The following GABRG3 variants were observed in gnomAD, a reference collection of about 807,000 sequenced individuals.
GABRG3 encodes gamma-aminobutyric acid receptor subunit gamma-3.
Under a neutral mutation model 48.8 loss-of-function variants are expected in GABRG3, and 25 were observed. The ratio of observed to expected loss-of-function variants is 0.51; its 90% confidence interval spans 0.37 to 0.72. The LOEUF is 0.72. Among genes scored for constraint, GABRG3 ranks in the 30% least tolerant of loss-of-function variants. The pLI, the probability that GABRG3 is intolerant of heterozygous loss-of-function variation, is 0.00. For missense variants in GABRG3, 394 were observed against 577.9 expected, an observed-to-expected ratio of 0.68 and a Z score of 3.26; for synonymous variants, 227 against 217.6, an observed-to-expected ratio of 1.04 and a Z score of -0.38.
At chr15:27,257,923 T>TGG (rs1890669979) in intron 3 of GABRG3, among the ~76,000 whole-genome samples, 1 of 151,382 alleles carries the variant, frequency 6.6e-6, no homozygotes, top group Non-Finnish European at 1.5e-5. Context: ...CTCAAAGTGT[T>TGG]ATAGACGTGA....
intron 2 of GABRG3, among the ~76,000 whole-genome samples, chr15:26,986,614 T>TA (rs1277430616): frequency 6.6e-6 from 1 of 152,176 alleles, no homozygotes; most frequent in Non-Finnish European, 1.5e-5. Context: ...CACAGTTCAT[T>TA]AAAAATATGT....
chr15:27,528,139 A>G, intron 9 of GABRG3, 147 bp downstream of exon 9: 1 of 665,072 alleles, frequency 1.5e-6, no homozygotes, highest in Non-Finnish European at 2.6e-6. Flanking sequence ...GTTTAGTATT[A>G]GGTTAAAAAT....
chr15:26,989,168 G>A (rs916977231), intron 2 of GABRG3, among the ~76,000 whole-genome samples: 8 of 152,114 alleles, frequency 5.3e-5, no homozygotes, highest in Non-Finnish European at 1.5e-5. Context: ...AAATGGAACC[G>A]TTAGAATAGG....
intron 2 of GABRG3, among the ~76,000 whole-genome samples, chr15:27,014,235 T>C (rs1234162094): frequency 6.6e-6 from 1 of 152,024 alleles, no homozygotes; most frequent in Non-Finnish European, 1.5e-5. Flanking sequence ...TCATTGATCT[T>C]TTCGAAGAAT....
chr15:27,352,353 G>A lies in GABRG3; in HGVS notation c.574+23465G>A, dbSNP rs888318367. On this transcript the variant is annotated intron_variant, in intron 5 of 9. Coordinates refer to ENST00000615808, the MANE Select transcript of GABRG3 (RefSeq NM_033223.5). This position sits in a 1 kb window ranked among gnomAD's most constrained non-coding sequence, Gnocchi z 4.0. ...TTATCCCCCGCACACTTCAAGGGGT[G>A]ATGGGGTGGGATCTCTGCCAATTTC... Among the ~76,000 whole-genome samples the A allele has an allele frequency of 1.3e-5, 2 of 152,048 alleles. No individual in the cohort carries two copies. The highest frequency in any genetic ancestry group is 1.5e-5 in the Non-Finnish European group (1 of 68,012).
At chr15:27,420,101 G>A (rs1181300174) in intron 5 of GABRG3, among the ~76,000 whole-genome samples, 2 of 152,144 alleles carry the variant, frequency 1.3e-5, no homozygotes, top group Non-Finnish European at 2.9e-5. Flanking sequence ...CTACTTCAAT[G>A]CAGCATTTCT....
chr15:27,099,745 C>T (rs1265442371), intron 3 of GABRG3, among the ~76,000 whole-genome samples: 1 of 151,296 alleles, frequency 6.6e-6, no homozygotes, highest in African/African-American at 2.4e-5. Context: ...TTCAAGAATC[C>T]CTGGAAAGAT....
At chr15:27,512,030 C>A (rs983739575) in intron 6 of GABRG3, among the ~76,000 whole-genome samples, 3 of 151,940 alleles carry the variant, frequency 2.0e-5, no homozygotes, top group East Asian at 1.9e-4. Flanking sequence ...GGGAGGGAGC[C>A]CAAACCATGA....
intron 5 of GABRG3, among the ~76,000 whole-genome samples, chr15:27,422,014 A>G (rs1446695159): frequency 1.4e-3 from 148 of 108,186 alleles, no homozygotes; most frequent in Middle Eastern, 0.014. Context: ...ATCCATGGGA[A>G]TGGGCTGAGT....
chr15:27,028,499 T>C (rs1373475431), intron 3 of GABRG3, among the ~76,000 whole-genome samples: 1 of 152,116 alleles, frequency 6.6e-6, no homozygotes, highest in Non-Finnish European at 1.5e-5. Context: ...GAGCAGGTCA[T>C]ATTTCATGAG....
chr15:27,287,095 A>G (rs1160913867), intron 3 of GABRG3, among the ~76,000 whole-genome samples: 2 of 152,138 alleles, frequency 1.3e-5, no homozygotes, highest in African/African-American at 4.8e-5. Flanking sequence ...TAGTAGTTCT[A>G]TCCTTTTCGA....
chr15:27,150,727 C>T (rs182999347), intron 3 of GABRG3, among the ~76,000 whole-genome samples: 239 of 152,326 alleles, frequency 1.6e-3, no homozygotes, highest in African/African-American at 5.4e-3. Flanking sequence ...TCACACAACT[C>T]GTTACTGGCA....
intron 3 of GABRG3, among the ~76,000 whole-genome samples, chr15:27,163,173 A>G (rs1268085998): frequency 1.3e-5 from 2 of 151,906 alleles, no homozygotes; most frequent in African/African-American, 4.8e-5. Flanking sequence ...TCTCATCTCT[A>G]CTCAGTATCC....
intron 3 of GABRG3, among the ~76,000 whole-genome samples, chr15:27,078,646 G>T (rs1188759912): frequency 6.6e-6 from 1 of 152,154 alleles, no homozygotes; most frequent in Non-Finnish European, 1.5e-5. Flanking sequence ...CCGCCCAGGG[G>T]CTCCTCGTCT....
rs143489744 is a variant in GABRG3 at position 27,284,264 on chromosome 15, C to T, written c.271-42545C>T. Among the ~76,000 whole-genome samples, 1,007 of 152,178 alleles carry T rather than the reference C, an allele frequency of 6.6e-3. 20 individuals are homozygous for T. Among genetic ancestry groups the T allele is most frequent in the African/African-American group, 0.023 (953 of 41,502 alleles). ...AGGTAAGTTACTTTATTTGATGTTA[C>T]GAATCACAGAAAAAATATTTAGAAG... On this transcript the variant is annotated intron_variant, in intron 3 of 9. Coordinates refer to ENST00000615808, the MANE Select transcript of GABRG3 (RefSeq NM_033223.5).
chr15:27,429,605 A>G (rs1044231570), intron 5 of GABRG3, among the ~76,000 whole-genome samples: 1 of 152,192 alleles, frequency 6.6e-6, no homozygotes, highest in African/African-American at 2.4e-5. Context: ...GATCCTGGCA[A>G]TCATGCTCGG....
At chr15:27,128,255 G>A (rs1397444651) in intron 3 of GABRG3, among the ~76,000 whole-genome samples, 10 of 152,224 alleles carry the variant, frequency 6.6e-5, no homozygotes, top group African/African-American at 2.4e-4. Flanking sequence ...CATATCTGGT[G>A]GAGGAGAGCT....
intron 2 of GABRG3, among the ~76,000 whole-genome samples, chr15:26,996,937 C>T (rs970945071): frequency 4.9e-4 from 75 of 152,196 alleles, no homozygotes; most frequent in African/African-American, 1.8e-3. Flanking sequence ...CAGGTGTGAG[C>T]CACCACGCCC....
intron 3 of GABRG3, among the ~76,000 whole-genome samples, chr15:27,226,199 A>G (rs1222029603): frequency 6.6e-6 from 1 of 152,080 alleles, no homozygotes; most frequent in Non-Finnish European, 1.5e-5. Context: ...ACTCCTGGGT[A>G]TGGATGCACA....
Sources: allele counts gnomAD v4.1 joint callset (sites outside exome capture counted in the v4.1 genomes callset), GRCh38; gene constraint gnomAD v4.1.1; non-coding constraint Gnocchi (gnomAD v3.1); transcripts MANE v1.5; gene names NCBI Gene and HGNC (gene_info 2026-07-23, HGNC 2026-07-21).